The following ADAMTSL1 variants were observed in gnomAD, a reference collection of about 807,000 sequenced individuals.
The protein encoded by ADAMTSL1 is ADAMTS-like protein 1.
In ADAMTSL1, 126 loss-of-function variants were observed where a neutral mutation model predicts 201.8. The observed-to-expected ratio is 0.62, with a 90% CI of 0.54 to 0.72. The LOEUF is 0.72. ADAMTSL1 is among the 30% of genes least tolerant of loss of function. The pLI is 0.00. For synonymous variants in ADAMTSL1, 1,121 were observed against 903.4 expected (o/e 1.24, Z -4.32); for missense variants, 2,679 against 2,277.8 (o/e 1.18, Z -3.59).
chr9:18,246,326 T>C (rs1164971416), intron 2 of ADAMTSL1, among the ~76,000 whole-genome samples: 1 of 152,124 alleles, frequency 6.6e-6, no homozygotes, highest in African/African-American at 2.4e-5. Context: ...TTAGTTCCAG[T>C]TTTAGAAAAG....
intron 14 of ADAMTSL1, chr9:18,718,476 C>T (rs1437070427): frequency 1.7e-6 from 1 of 582,920 alleles, no homozygotes; most frequent in Non-Finnish European, 3.4e-6. Context: ...ACATTCAAAG[C>T]AGACTTTCCA....
chr9:18,129,538 T>C (rs1825865206), intron 1 of ADAMTSL1, among the ~76,000 whole-genome samples: 1 of 152,188 alleles, frequency 6.6e-6, no homozygotes, highest in African/African-American at 2.4e-5. Flanking sequence ...CTGTGGGTTT[T>C]TATCTGTTAA....
At chr9:18,244,654 C>T (rs1944745) in intron 2 of ADAMTSL1, among the ~76,000 whole-genome samples, 30,465 of 152,056 alleles carry the variant, frequency 0.2, 3,398 homozygotes, top group African/African-American at 0.28. Flanking sequence ...CTCCTACCTA[C>T]TGGGCATTTT....
chr9:18,652,330 A>C (rs1276604743), intron 7 of ADAMTSL1, among the ~76,000 whole-genome samples: 9 of 141,382 alleles, frequency 6.4e-5, no homozygotes, highest in Non-Finnish European at 1.2e-4. Context: ...GCACCATTGT[A>C]CTCCAGCTTG....
At chr9:18,290,427 A>G (rs1833205389) in intron 2 of ADAMTSL1, among the ~76,000 whole-genome samples, 1 of 152,104 alleles carries the variant, frequency 6.6e-6, no homozygotes. Flanking sequence ...TCACATGGAC[A>G]CCAAAGAATG....
chr9:18,824,176 G>A (rs928354929), intron 21 of ADAMTSL1, among the ~76,000 whole-genome samples: 4 of 100,132 alleles, frequency 4.0e-5, no homozygotes, highest in African/African-American at 1.0e-4. Context: ...CCTAAATGCC[G>A]TGGATTTTTT....
chr9:18,386,279 A>T (rs894769452), intron 2 of ADAMTSL1, among the ~76,000 whole-genome samples: 1 of 152,184 alleles, frequency 6.6e-6, no homozygotes, highest in African/African-American at 2.4e-5. Flanking sequence ...CAACAAAACG[A>T]CAAATTGCTG....
rs1821946942 is a variant in ADAMTSL1 at position 18,567,015 on chromosome 9, A to G, written c.238-7015A>G. On this transcript the variant is annotated intron_variant, in intron 3 of 28. Transcript: ENST00000380548. ...GGTTTGCCAAATTAGCAACATTCGC[A>G]TCACCTGGGATCTTGTTTGAAATGC... 2.0e-5 allele frequency among the ~76,000 whole-genome samples: 3 copies of G among 152,182 alleles called. No individual in the cohort carries two copies. In the South Asian group the frequency reaches 6.2e-4, roughly 32 times the overall value.
chr9:18,537,641 T>C (rs1484257730), intron 3 of ADAMTSL1, among the ~76,000 whole-genome samples: 1 of 151,250 alleles, frequency 6.6e-6, no homozygotes, highest in Admixed American at 6.6e-5. Flanking sequence ...GGTGGAGGGG[T>C]GAGGCAGAAG....
intron 2 of ADAMTSL1, among the ~76,000 whole-genome samples, chr9:18,436,226 T>C (rs1475587002): frequency 6.6e-6 from 1 of 152,030 alleles, no homozygotes; most frequent in Non-Finnish European, 1.5e-5. Flanking sequence ...CTGTAAATGC[T>C]CGGGGAAGGA....
At chr9:18,135,303 TAAACAC>T (rs1334301052) in intron 1 of ADAMTSL1, among the ~76,000 whole-genome samples, 1 of 152,150 alleles carries the variant, frequency 6.6e-6, no homozygotes, top group Non-Finnish European at 1.5e-5. Flanking sequence ...AGGATAAACT[TAAACAC>T]AAAAACAGTG....
intron 4 of ADAMTSL1, among the ~76,000 whole-genome samples, chr9:18,609,563 G>A (rs1825252813): frequency 6.6e-6 from 1 of 152,148 alleles, no homozygotes; most frequent in East Asian, 1.9e-4. Flanking sequence ...GGCTGAAATA[G>A]ATCTGAGCTT....
intron 2 of ADAMTSL1, among the ~76,000 whole-genome samples, chr9:18,430,794 G>A (rs1819453847): frequency 1.3e-5 from 2 of 152,212 alleles, no homozygotes; most frequent in African/African-American, 4.8e-5. Context: ...TGCTGAAGGA[G>A]ATTGAATGAG....
Position 18,829,450 on chromosome 9 carries a change from G to GA in ADAMTSL1, c.4115-388dup, listed in dbSNP as rs1824836080. Among the ~76,000 whole-genome samples the GA allele has an allele frequency of 2.6e-5, 4 of 152,272 alleles. No homozygotes were observed. In the South Asian group the frequency reaches 6.2e-4, roughly 24 times the overall value. ...CTGAAGACTGTTACTAGAGCTAAAT[G>GA]AAAAATGGACTGAAATGTATTTAGC... On this transcript the variant is annotated intron_variant, in intron 22 of 28. Transcript: ENST00000380548.
intron 1 of ADAMTSL1, among the ~76,000 whole-genome samples, chr9:18,016,117 G>C (rs1393958494): frequency 6.6e-6 from 1 of 152,006 alleles, no homozygotes; most frequent in Non-Finnish European, 1.5e-5. Flanking sequence ...CTGTTATGGG[G>C]TAAACATAAG....
chr9:18,416,720 G>A (rs1013684216), intron 2 of ADAMTSL1, among the ~76,000 whole-genome samples: 2 of 151,936 alleles, frequency 1.3e-5, no homozygotes, highest in Non-Finnish European at 2.9e-5. Context: ...AATACATTAG[G>A]AGAACATAAC....
chr9:18,383,219 A>C (rs1563925496), intron 2 of ADAMTSL1, among the ~76,000 whole-genome samples: 1 of 152,158 alleles, frequency 6.6e-6, no homozygotes, highest in Admixed American at 6.6e-5. Context: ...CAAATGTCGC[A>C]AAGTCTTCTA....
intron 15 of ADAMTSL1, among the ~76,000 whole-genome samples, chr9:18,749,070 C>T (rs546338446): frequency 5.9e-5 from 9 of 152,278 alleles, no homozygotes; most frequent in African/African-American, 1.9e-4. Context: ...AAAACACAGT[C>T]GCATTGAATC....
intron 1 of ADAMTSL1, among the ~76,000 whole-genome samples, chr9:18,053,747 C>T (rs533202473): frequency 4.6e-5 from 7 of 152,134 alleles, no homozygotes; most frequent in South Asian, 4.1e-4. Context: ...TACCAGGCTC[C>T]GAGTTTACTG....
Sources: allele counts gnomAD v4.1 joint callset (sites outside exome capture counted in the v4.1 genomes callset), GRCh38; gene constraint gnomAD v4.1.1; transcripts MANE v1.5; gene names NCBI Gene and HGNC (gene_info 2026-07-23, HGNC 2026-07-21).